Variants in CA8 observed in about 807,000 individuals in gnomAD.
CA8 encodes carbonic anhydrase 8 (inactive).
Under a neutral mutation model 41.4 loss-of-function variants are expected in CA8, and 22 were observed. The ratio of observed to expected loss-of-function variants is 0.53; its 90% CI spans 0.38 to 0.76. The LOEUF is 0.76. Ranked by LOEUF, CA8 falls within the 30% of genes least tolerant of loss-of-function variation. CA8 has a pLI of 0.00. For missense variants in CA8, 270 were observed against 352.8 expected, an observed-to-expected ratio of 0.77 and a Z score of 1.88; for synonymous variants, 121 against 130.6, an observed-to-expected ratio of 0.93 and a Z score of 0.50.
At chr8:60,248,279 G>C (rs1428158074) in intron 3 of CA8, among the ~76,000 whole-genome samples, 1 of 152,002 alleles carries the variant, frequency 6.6e-6, no homozygotes, top group Non-Finnish European at 1.5e-5. Context: ...GTCAATTTTT[G>C]CTTTTGTTGC....
chr8:60,239,742 G>A lies in CA8; in HGVS notation c.418-7363C>T, dbSNP rs1355122589. Among the ~76,000 whole-genome samples, 4 of 152,192 alleles carry A rather than the reference G, an allele frequency of 2.6e-5. No individual in the cohort carries two copies. The East Asian group carries it at 7.7e-4, about 29-fold the overall frequency. On this transcript the variant is annotated intron_variant, in intron 3 of 8. Coordinates refer to ENST00000317995, the MANE Select transcript of CA8 (RefSeq NM_004056.6). ...CACTTGTTGTGGGAGGGATCCTGTA[G>A]AAGATAATCAAATCTTGGGAGCAGT...
chr8:60,221,671 T>C (rs908100680), intron 7 of CA8, among the ~76,000 whole-genome samples: 1 of 152,226 alleles, frequency 6.6e-6, no homozygotes. Flanking sequence ...AAAAGTGATA[T>C]GATCAAAGTT....
At chr8:60,257,731 C>A (rs1200663681) in intron 3 of CA8, among the ~76,000 whole-genome samples, 1 of 152,164 alleles carries the variant, frequency 6.6e-6, no homozygotes, top group African/African-American at 2.4e-5. Flanking sequence ...CCTACAGTGA[C>A]CCGTGACTGG....
rs1263180581 is a variant in CA8, at chr8:60,265,978, C to T, written c.364G>A (p.Glu122Lys). The T allele has an allele frequency of 6.2e-7, 1 of 1,614,060 alleles. No individual in the cohort carries two copies. Residue 122 changes from glutamate to lysine, a missense_variant, in exon 3 of 9, where the codon GAA becomes AAA. Coordinates refer to ENST00000317995, the MANE Select transcript of CA8 (RefSeq NM_004056.6). The part of the protein sequence containing the change: ...LYEVRFHWGR[E>K]NQRGSEHTVN... ...GTGTGCTCAGAACCACGCTGGTTTT[C>T]TCTTCCCCAGTGAAATCTCACTTCG...
At chr8:60,207,532 G>A (rs1310049580) in intron 8 of CA8, among the ~76,000 whole-genome samples, 1 of 152,132 alleles carries the variant, frequency 6.6e-6, no homozygotes, top group Non-Finnish European at 1.5e-5. Context: ...CTTTCCCACT[G>A]CCACTCAGTG....
At chr8:60,200,882 T>C (rs934128543) in intron 8 of CA8, among the ~76,000 whole-genome samples, 1 of 152,132 alleles carries the variant, frequency 6.6e-6, no homozygotes, top group African/African-American at 2.4e-5. Flanking sequence ...TCTTTTATTA[T>C]TTTATATATT....
intron 3 of CA8, among the ~76,000 whole-genome samples, chr8:60,255,855 TC>T (rs1398162101): frequency 6.6e-6 from 1 of 152,172 alleles, no homozygotes; most frequent in Non-Finnish European, 1.5e-5. Flanking sequence ...AACAACATTT[TC>T]CACCATTACA....
In CA8 at chr8:60,281,250, A is replaced by AGCG. The variant is rs1563391338; in HGVS notation, c.-104_-103insCGC. 1.3e-6 allele frequency: 1 copy of AGCG among 767,202 alleles called. No homozygotes were observed. Among genetic ancestry groups the AGCG allele is most frequent in the African/African-American group, 1.7e-5 (1 of 57,164 alleles). 47.5% of individuals were successfully genotyped at this position (767,202 alleles called of 1,614,324 possible). ...GGAGCGCGCGTGGGGGAGTGTGAGCACGCGTGAGCGGCAGTGTGAGTGCGA... is the reference window on the plus strand; with the variant it reads ...GGAGCGCGCGTGGGGGAGTGTGAGCAGCGCGCGTGAGCGGCAGTGTGAGTGCGA... On this transcript the variant is annotated 5_prime_UTR_variant, in exon 1 of 9. Transcript: ENST00000317995.
In CA8 at chr8:60,222,745, A is replaced by G. The variant is rs776274846; in HGVS notation, c.642T>C (p.Asp214=). 7 of 1,612,988 alleles carry G rather than the reference A, an allele frequency of 4.3e-6. No individual in the cohort carries two copies. The highest frequency in any genetic ancestry group is 5.9e-6 in the Non-Finnish European group (7 of 1,178,916). ...TGAGAGAGCCTTCATACACCCAGTA[A>G]TCCCGCAGCAGAGGGTCTGCACAGC... ...NTLLPDPLLR[D]YWVYEGSLTI... is the part of the protein sequence containing the mutation. Residue 214 remains aspartate, a synonymous_variant, in exon 7 of 9, where the codon GAT becomes GAC. Transcript: ENST00000317995.
chr8:60,214,668 T>C (rs536320757), intron 7 of CA8, among the ~76,000 whole-genome samples: 2 of 152,290 alleles, frequency 1.3e-5, no homozygotes, highest in Admixed American at 6.5e-5. Flanking sequence ...CAGGGCCAGA[T>C]GTGCTTCCAG....
At chr8:60,270,949 A>G (rs937637697) in intron 2 of CA8, among the ~76,000 whole-genome samples, 2 of 152,242 alleles carry the variant, frequency 1.3e-5, no homozygotes, top group Non-Finnish European at 2.9e-5. Context: ...ACAATAGCAC[A>G]GAGAGCAGGC....
At chr8:60,277,105 C>A (rs1337363268) in intron 2 of CA8, among the ~76,000 whole-genome samples, 2 of 136,914 alleles carry the variant, frequency 1.5e-5, no homozygotes, top group Non-Finnish European at 3.1e-5. Flanking sequence ...GGCGACAGAG[C>A]GAGACTCTGT....
intron 7 of CA8, among the ~76,000 whole-genome samples, chr8:60,215,380 CA>C (rs1806983443): frequency 1.3e-5 from 2 of 150,192 alleles, no homozygotes; most frequent in African/African-American, 2.4e-5. Context: ...CACACACACA[CA>C]CACCGGATCC....
At position 60,248,096 on chromosome 8, in the gene CA8, GTTT is replaced by G. The variant is rs530676757; in HGVS notation, c.418-15720_418-15718del. Among the ~76,000 whole-genome samples, 8 of 146,286 alleles carry G rather than the reference GTTT, an allele frequency of 5.5e-5. No homozygotes were observed. The Admixed American group carries it at 5.5e-4, about 10-fold the overall frequency. On this transcript the variant is annotated intron_variant, in intron 3 of 8. Coordinates refer to ENST00000317995, the MANE Select transcript of CA8 (RefSeq NM_004056.6). Reference sequence around the variant, plus strand: ...TCATATACTTTGCCCAGTTTTTGATGTTTTTTTTTTTTACCTTGTAAATTTATT... The same window carrying G: ...TCATATACTTTGCCCAGTTTTTGATGTTTTTTTTTACCTTGTAAATTTATT...
intron 7 of CA8, among the ~76,000 whole-genome samples, chr8:60,217,163 C>T (rs888742791): frequency 2.0e-5 from 3 of 151,986 alleles, no homozygotes; most frequent in Non-Finnish European, 4.4e-5. Context: ...GGATTACAGG[C>T]GTGAGCCACC....
chr8:60,217,164 G>A (rs1585863327), intron 7 of CA8, among the ~76,000 whole-genome samples: 1 of 152,034 alleles, frequency 6.6e-6, no homozygotes, highest in African/African-American at 2.4e-5. Context: ...GATTACAGGC[G>A]TGAGCCACCA....
chr8:60,197,869 T>C (rs1806324138), intron 8 of CA8, among the ~76,000 whole-genome samples: 1 of 152,130 alleles, frequency 6.6e-6, no homozygotes, highest in Non-Finnish European at 1.5e-5. Flanking sequence ...GAAAGAGATG[T>C]AGAATATATT....
chr8:60,251,684 G>A (rs1293878513), intron 3 of CA8, among the ~76,000 whole-genome samples: 3 of 152,184 alleles, frequency 2.0e-5, no homozygotes, highest in Non-Finnish European at 4.4e-5. Context: ...CAAATAAGAA[G>A]GTTAGAAGAG....
chr8:60,233,603 G>T (rs1217406038), intron 3 of CA8, among the ~76,000 whole-genome samples: 1 of 152,202 alleles, frequency 6.6e-6, no homozygotes, highest in Non-Finnish European at 1.5e-5. Flanking sequence ...AATAATAAAA[G>T]ACAATTTTAA....
Sources: allele counts gnomAD v4.1 joint callset (sites outside exome capture counted in the v4.1 genomes callset), GRCh38; gene constraint gnomAD v4.1.1; transcripts MANE v1.5; gene names NCBI Gene and HGNC (gene_info 2026-07-23, HGNC 2026-07-21).